CLDN14: variants seen among roughly 807,000 people sequenced by gnomAD.
The protein encoded by CLDN14 is claudin-14.
A neutral mutation model predicts 2.1 loss-of-function variants in CLDN14; 2 were observed. The ratio of observed to expected loss-of-function variants is 0.96; its 90% CI spans 0.39 to 3.01. CLDN14 has a LOEUF of 3.01. Ranked by LOEUF, CLDN14 falls within the 30% of genes most tolerant of loss-of-function variation. The pLI is 0.09. For missense variants in CLDN14, 298 were observed against 328.0 expected (o/e 0.91, Z 0.71); for synonymous variants, 136 against 154.4 (o/e 0.88, Z 0.88).
intron 1 of CLDN14, among the ~76,000 whole-genome samples, chr21:36,528,089 G>A (rs893272799): frequency 1.2e-4 from 18 of 152,050 alleles, no homozygotes; most frequent in Admixed American, 8.5e-4. Context: ...CAAAGCTGTC[G>A]GTTACTCTCA....
chr21:36,509,212 G>A (rs535736224), intron 2 of CLDN14, among the ~76,000 whole-genome samples: 104 of 152,378 alleles, frequency 6.8e-4, no homozygotes, highest in African/African-American at 2.4e-3. Flanking sequence ...CACAGGTGGA[G>A]ATGGCTGCCC....
chr21:36,465,803 A>G (rs1203756590), intron 1 of CLDN14, among the ~76,000 whole-genome samples: 2 of 152,202 alleles, frequency 1.3e-5, no homozygotes, highest in Admixed American at 6.5e-5. Flanking sequence ...TACGGATCCA[A>G]AACAAATAGG....
intron 1 of CLDN14, 98 bp from the exon 2 acceptor site, chr21:36,461,874 A>G: frequency 3.7e-6 from 3 of 818,270 alleles, no homozygotes; most frequent in East Asian, 5.4e-5. Context: ...AGTTTTTCAT[A>G]GGTGGTTGGT....
rs529929919 is a variant in CLDN14 at position 36,547,717 on chromosome 21, G to T, written c.-220+28694C>A. Among the ~76,000 whole-genome samples the T allele has an allele frequency of 1.8e-4, 27 of 152,302 alleles. No homozygotes were observed. The South Asian group carries it at 5.2e-3, about 29-fold the overall frequency. On this transcript the variant is annotated intron_variant, in intron 1 of 2. Transcript: ENST00000342108. ...GACGTGGCTTCTGGGCAGCAGACAGGAGGGCTGGGAGCCGCCTGCAGCCTG... is the reference window on the plus strand; with the variant it reads ...GACGTGGCTTCTGGGCAGCAGACAGTAGGGCTGGGAGCCGCCTGCAGCCTG...
intron 1 of CLDN14, among the ~76,000 whole-genome samples, chr21:36,570,908 C>T (rs1344324519): frequency 6.6e-6 from 1 of 152,176 alleles, no homozygotes; most frequent in Admixed American, 6.5e-5. Context: ...GTGGCGTGAT[C>T]TTAGCTCACT....
chr21:36,489,131 A>AAAAATATAT, intron 2 of CLDN14, among the ~76,000 whole-genome samples: 16 of 62,748 alleles, frequency 2.5e-4, no homozygotes, highest in Non-Finnish European at 3.3e-4. Flanking sequence ...AAAAAAAAAA[A>AAAAATATAT]ATATATATAT....
intron 1 of CLDN14, among the ~76,000 whole-genome samples, chr21:36,465,591 G>A (rs576773679): frequency 2.0e-5 from 3 of 152,110 alleles, no homozygotes; most frequent in Non-Finnish European, 4.4e-5. Context: ...TTAACTGAAC[G>A]CATCTCCCTG....
At chr21:36,490,385 ATTTTTTT>A (rs71198817) in intron 2 of CLDN14, among the ~76,000 whole-genome samples, 1,107 of 102,072 alleles carry the variant, frequency 0.011, 20 homozygotes, top group African/African-American at 0.039. Context: ...TTTTTTTTTA[ATTTTTTT>A]TTTTTTTTTT....
chr21:36,515,545 C>T (rs377716170), intron 1 of CLDN14, among the ~76,000 whole-genome samples: 34 of 151,284 alleles, frequency 2.2e-4, no homozygotes, highest in African/African-American at 6.5e-4. Flanking sequence ...TGGTGGTGGG[C>T]GCCTGTAATC....
intron 2 of CLDN14, among the ~76,000 whole-genome samples, chr21:36,504,881 T>C (rs755510443): frequency 2.6e-5 from 4 of 152,078 alleles, no homozygotes; most frequent in Admixed American, 1.3e-4. Flanking sequence ...CTCCCAGAGA[T>C]AGGAAAAGCT....
At chr21:36,477,290 A>G (rs957150701) in intron 1 of CLDN14, 1 of 152,176 alleles carries the variant, frequency 6.6e-6, no homozygotes, top group South Asian at 2.1e-4. Context: ...CAATGAGTGC[A>G]TTGAGTTAGA....
chr21:36,486,086 C>G, intron 2 of CLDN14: 1 of 1,372,680 alleles, frequency 7.3e-7, no homozygotes, highest in Non-Finnish European at 1.0e-6. Flanking sequence ...GGGATCCACA[C>G]CTGGGAGGTT....
intron 2 of CLDN14, among the ~76,000 whole-genome samples, chr21:36,500,593 G>A (rs1490913717): frequency 1.3e-5 from 2 of 152,054 alleles, no homozygotes; most frequent in Non-Finnish European, 2.9e-5. Flanking sequence ...CACCATGCCT[G>A]GCTAATTTTA....
chr21:36,489,854 G>T (rs2086943588), intron 2 of CLDN14, among the ~76,000 whole-genome samples: 1 of 152,180 alleles, frequency 6.6e-6, no homozygotes, highest in Non-Finnish European at 1.5e-5. Context: ...CAAGCCCCAA[G>T]TTCTTTCCTC....
chr21:36,470,919 T>C (rs1423886258), intron 1 of CLDN14, among the ~76,000 whole-genome samples: 1 of 152,242 alleles, frequency 6.6e-6, no homozygotes, highest in Admixed American at 6.5e-5. Context: ...TAGATTGCAA[T>C]AAGCAGAGAT....
intron 1 of CLDN14, among the ~76,000 whole-genome samples, chr21:36,566,518 C>T (rs1479957459): frequency 6.6e-6 from 1 of 152,178 alleles, no homozygotes; most frequent in South Asian, 2.1e-4. Flanking sequence ...TGGACCCATG[C>T]AATGACTCTG....
intron 1 of CLDN14, among the ~76,000 whole-genome samples, chr21:36,535,240 A>T (rs143743036): frequency 0.023 from 3,514 of 152,132 alleles, 143 homozygotes; most frequent in African/African-American, 0.08. Flanking sequence ...AAATACAAAA[A>T]TTAGCTGGGG....
intron 1 of CLDN14, among the ~76,000 whole-genome samples, chr21:36,464,620 T>A (rs1421740478): frequency 6.6e-6 from 1 of 152,072 alleles, no homozygotes; most frequent in Non-Finnish European, 1.5e-5. Context: ...AAGGCCAAGG[T>A]GGCCACCCTG....
At chr21:36,475,849 A>C (rs750316056) in intron 1 of CLDN14, among the ~76,000 whole-genome samples, 1 of 151,894 alleles carries the variant, frequency 6.6e-6, no homozygotes, top group Non-Finnish European at 1.5e-5. Context: ...TAATTTTTGT[A>C]TTTTTAGTAG....
Sources: allele counts gnomAD v4.1 joint callset (sites outside exome capture counted in the v4.1 genomes callset), GRCh38; gene constraint gnomAD v4.1.1; transcripts MANE v1.5; gene names NCBI Gene and HGNC (gene_info 2026-07-23, HGNC 2026-07-21).